The following SI variants were observed in gnomAD, a reference collection of about 807,000 sequenced individuals.
The protein encoded by SI is sucrase-isomaltase.
SI carries 235 observed loss-of-function variants against 253.3 expected under a neutral mutation model. That is an observed-to-expected ratio of 0.93 (90% CI 0.83 to 1.03). SI has a LOEUF of 1.03. SI is among the 50% of genes least tolerant of loss of function. The pLI, the probability that SI is intolerant of heterozygous loss-of-function variation, is 0.00. For missense variants in SI, 2,442 were observed against 2,211.1 expected (o/e 1.10, Z -2.09); for synonymous variants, 819 against 712.0 (o/e 1.15, Z -2.39).
intron 13 of SI, among the ~76,000 whole-genome samples, chr3:165,052,427 G>A (rs528095824): frequency 2.6e-5 from 4 of 152,044 alleles, no homozygotes; most frequent in Non-Finnish European, 5.9e-5. Flanking sequence ...AGGCCAAGGC[G>A]GGTGGATCAT....
intron 45 of SI, 61 bp from the exon 46 acceptor site, chr3:164,983,112 A>G: frequency 6.9e-7 from 1 of 1,457,066 alleles, no homozygotes; most frequent in Non-Finnish European, 9.4e-7. Context: ...CATAGTAAAT[A>G]CCTGTATACT....
rs143782842 is a variant in SI, at chr3:165,059,950, A to T, written c.1098T>A (p.Asp366Glu). 6.2e-6 allele frequency: 10 copies of T among 1,612,048 alleles called. No individual in the cohort carries two copies. Among genetic ancestry groups the T allele is most frequent in the Admixed American group, 1.7e-5 (1 of 59,860 alleles). Residue 366 changes from aspartate (D) to glutamate (E), a missense_variant, in exon 10 of 48, where the codon GAT becomes GAA. Asp to Glu is a conservative substitution (Grantham distance 45). Coordinates refer to ENST00000264382, the MANE Select transcript of SI (RefSeq NM_001041.4). ...QLSRWNYKSLDVVKEVVRRNR... is the reference protein window; with the variant it reads ...QLSRWNYKSLEVVKEVVRRNR... ...TTCTCCTTACCACTTCTTTCACTAC[A>T]TCTAGTGACTTATAATTCCAGCGAC...
chr3:165,053,308 T>C (rs1713525416), intron 13 of SI, among the ~76,000 whole-genome samples: 1 of 152,112 alleles, frequency 6.6e-6, no homozygotes, highest in Non-Finnish European at 1.5e-5. Context: ...GCATGGAAAC[T>C]AAATTACAAA....
intron 41 of SI, 148 bp from the exon 42 acceptor site, chr3:164,992,545 G>A (rs1397484290): frequency 1.6e-6 from 1 of 634,288 alleles, no homozygotes; most frequent in Non-Finnish European, 2.8e-6. Flanking sequence ...AAATATATCA[G>A]TTGGAATGTA....
chr3:165,025,920 A>T (rs891971105), intron 25 of SI, among the ~76,000 whole-genome samples: 1 of 151,198 alleles, frequency 6.6e-6, no homozygotes, highest in African/African-American at 2.4e-5. Context: ...CCTATAAAAC[A>T]TAATAAAAAA....
chr3:164,989,434 A>G (rs1576869232), intron 44 of SI, among the ~76,000 whole-genome samples: 2 of 138,558 alleles, frequency 1.4e-5, no homozygotes, highest in East Asian at 4.1e-4. Flanking sequence ...GAAAGAAAGA[A>G]AGGAAAGAAA....
chr3:165,039,384 T>C (rs1576902571), intron 19 of SI, among the ~76,000 whole-genome samples: 2 of 151,882 alleles, frequency 1.3e-5, no homozygotes, highest in Admixed American at 1.3e-4. Flanking sequence ...TGCATATATG[T>C]GTATTGTTAT....
chr3:165,021,606 A>C (rs1057199067), intron 26 of SI, among the ~76,000 whole-genome samples: 21 of 151,612 alleles, frequency 1.4e-4, no homozygotes, highest in African/African-American at 5.1e-4. Context: ...CCTTTAAAAA[A>C]TGTTTTGTGA....
At chr3:165,047,094 A>G in intron 15 of SI, 82 bp from the exon 16 acceptor site, 7 of 1,147,148 alleles carry the variant, frequency 6.1e-6, no homozygotes, top group Non-Finnish European at 8.7e-6. Flanking sequence ...TCATAATTCC[A>G]AAGCCATGTG....
At chr3:165,057,172 G>C (rs1340970475) in intron 12 of SI, among the ~76,000 whole-genome samples, 1 of 151,748 alleles carries the variant, frequency 6.6e-6, no homozygotes, top group African/African-American at 2.4e-5. Flanking sequence ...GCAGAAACTT[G>C]AGCTGAAAAC....
chr3:165,026,807 G>A (rs1330187529), intron 25 of SI, among the ~76,000 whole-genome samples: 1 of 150,974 alleles, frequency 6.6e-6, no homozygotes, highest in Non-Finnish European at 1.5e-5. Context: ...AAAACCTCAG[G>A]GATACAACAT....
chr3:165,068,069 AG>A (rs1486856083), intron 5 of SI, among the ~76,000 whole-genome samples: 7 of 152,220 alleles, frequency 4.6e-5, no homozygotes, highest in South Asian at 2.1e-4. Flanking sequence ...GCTAAAAAAA[AG>A]AATCATAGTT....
intron 1 of SI, among the ~76,000 whole-genome samples, chr3:165,076,274 C>G (rs1414023287): frequency 6.6e-6 from 1 of 151,608 alleles, no homozygotes; most frequent in African/African-American, 2.4e-5. Flanking sequence ...ATGCACATTA[C>G]AGTAGTAGTA....
chr3:165,020,012 T>G (rs1161837096), intron 27 of SI, among the ~76,000 whole-genome samples: 1 of 151,732 alleles, frequency 6.6e-6, no homozygotes, highest in African/African-American at 2.4e-5. Context: ...ATAAATAATA[T>G]GATTGTACAT....
chr3:165,058,883 C>T, intron 12 of SI, 80 bp downstream of exon 12: 1 of 1,171,458 alleles, frequency 8.5e-7, no homozygotes, highest in Non-Finnish European at 1.3e-6. Flanking sequence ...CACACACACA[C>T]ACACGCACAT....
In SI at chr3:165,046,853, A is replaced by G. The variant is rs1713140387; in HGVS notation, c.1875T>C (p.Phe625=). The change falls in exon 16 of 48, where the codon TTT becomes TTC. Residue 625 remains phenylalanine, a synonymous_variant. Transcript: ENST00000264382. ...SITGMLEFSL[F]GIPLVGADIC... is the part of the protein sequence containing the mutation. ...GAAACTGTCTTACCAAAGGTATTCC[A>G]AACAAACTGAACTCCAGCATTCCAG... 6.2e-7 allele frequency: 1 copy of G among 1,612,874 alleles called. No homozygotes were observed. Among genetic ancestry groups the G allele is most frequent in the Non-Finnish European group, 8.5e-7 (1 of 1,179,172 alleles).
rs138950241 is a variant in SI, at chr3:165,056,384, C to G, written c.1399-1077G>C. On this transcript the variant is annotated intron_variant, in intron 12 of 47. Transcript: ENST00000264382. ...AAGAAGCCTCCAGTGACCATCCCCC[C>G]CTGCAGAAGCATCAAATTGAACAAC... is the stretch of plus-strand genomic sequence containing the variant. Among the ~76,000 whole-genome samples, 473 of 152,172 alleles carry G rather than the reference C, an allele frequency of 3.1e-3. 12 individuals carry two copies. Among genetic ancestry groups the G allele is most frequent in the Admixed American group, 0.026 (398 of 15,250 alleles).
chr3:165,019,320 C>T lies in SI; in HGVS notation c.3423+282G>A, dbSNP rs1290349505. Among the ~76,000 whole-genome samples the T allele has an allele frequency of 2.0e-5, 3 of 151,894 alleles. No homozygotes were observed. The East Asian group carries it at 5.8e-4, about 29-fold the overall frequency. On this transcript the variant is annotated intron_variant, in intron 28 of 47. Transcript: ENST00000264382. ...AACTTGACAGGGAATACAGAATCAG[C>T]ATATTCTTTGTATGCATTTGAAACA... is the stretch of plus-strand genomic sequence containing the variant.
chr3:165,029,056 A>G (rs1282621921), intron 25 of SI, among the ~76,000 whole-genome samples: 3 of 151,446 alleles, frequency 2.0e-5, no homozygotes, highest in Admixed American at 6.6e-5. Flanking sequence ...AGAATCTACA[A>G]CAAACTCAAA....
Sources: allele counts gnomAD v4.1 joint callset (sites outside exome capture counted in the v4.1 genomes callset), GRCh38; gene constraint gnomAD v4.1.1; transcripts MANE v1.5; gene names NCBI Gene and HGNC (gene_info 2026-07-23, HGNC 2026-07-21).